The following DNAJC1 variants were observed in gnomAD, a reference collection of about 807,000 sequenced individuals.
The protein encoded by DNAJC1 is DnaJ heat shock protein family (Hsp40) member C1.
A neutral mutation model predicts 76.6 loss-of-function variants in DNAJC1; 58 were observed. That is an observed-to-expected ratio of 0.76 (90% CI 0.61 to 0.94). The LOEUF (loss-of-function observed/expected upper bound fraction) is 0.94, where lower values mean the gene tolerates loss of function less well. Among genes scored for constraint, DNAJC1 ranks in the 40% least tolerant of loss-of-function variants. The pLI, the probability that DNAJC1 is intolerant of heterozygous loss-of-function variation, is 0.00. For missense variants in DNAJC1, 689 were observed against 677.3 expected (o/e 1.02, Z -0.19); for synonymous variants, 258 against 267.9 (o/e 0.96, Z 0.36).
intron 1 of DNAJC1, 73 bp downstream of exon 1, chr10:22,003,140 T>A (rs1412088844): frequency 2.9e-6 from 4 of 1,390,584 alleles, no homozygotes; most frequent in Non-Finnish European, 3.7e-6. Flanking sequence ...TGTCCGGCTG[T>A]CTCTGAGGAA....
intron 8 of DNAJC1, among the ~76,000 whole-genome samples, chr10:21,808,474 C>T (rs941538306): frequency 4.6e-5 from 7 of 152,030 alleles, no homozygotes; most frequent in African/African-American, 1.7e-4. Flanking sequence ...TATTTTATGG[C>T]CATAATTTTT....
intron 8 of DNAJC1, among the ~76,000 whole-genome samples, chr10:21,851,021 C>T (rs894014231): frequency 1.3e-5 from 2 of 152,060 alleles, no homozygotes; most frequent in African/African-American, 4.8e-5. Context: ...CAAAATGAAT[C>T]AACAACCTAA....
At chr10:22,003,107 G>C in intron 1 of DNAJC1, 106 bp downstream of exon 1, 6 of 1,340,106 alleles carry the variant, frequency 4.5e-6, no homozygotes, top group Non-Finnish European at 5.8e-6. Flanking sequence ...CCAGAGCCCG[G>C]GGTGACCAAG....
At chr10:21,855,301 A>C (rs879518111) in intron 8 of DNAJC1, among the ~76,000 whole-genome samples, 4 of 151,904 alleles carry the variant, frequency 2.6e-5, no homozygotes, top group African/African-American at 9.7e-5. Context: ...CCATATAATA[A>C]TTCATTCATT....
rs1196180059 is a variant in DNAJC1, at chr10:22,003,685, C to T, written c.-251G>A. The T allele has an allele frequency of 7.7e-6, 3 of 389,358 alleles. No individual in the cohort carries two copies. Among genetic ancestry groups the T allele is most frequent in the African/African-American group, 4.2e-5 (2 of 47,410 alleles). 24.1% of individuals were successfully genotyped at this position (389,358 alleles called of 1,614,324 possible). On this transcript the variant is annotated 5_prime_UTR_variant, in exon 1 of 12. Coordinates refer to ENST00000376980, the MANE Select transcript of DNAJC1 (RefSeq NM_022365.4). ...GTTCCGAAGACCCTCGCCCCCAGGC[C>T]TACACACAGCTGTAGAGGCAGCGCC... is the stretch of plus-strand genomic sequence containing the variant.
At chr10:21,824,240 AG>A (rs1835207634) in intron 8 of DNAJC1, among the ~76,000 whole-genome samples, 3 of 152,240 alleles carry the variant, frequency 2.0e-5, no homozygotes, top group Admixed American at 6.5e-5. Flanking sequence ...CAATAACAGT[AG>A]CAGTATTAAG....
At chr10:21,970,466 C>T (rs1837959693) in intron 1 of DNAJC1, among the ~76,000 whole-genome samples, 1 of 151,884 alleles carries the variant, frequency 6.6e-6, no homozygotes, top group African/African-American at 2.4e-5. Context: ...GCAGGAAATT[C>T]TCAGTTACAA....
intron 9 of DNAJC1, among the ~76,000 whole-genome samples, chr10:21,796,400 CG>C (rs2131637122): frequency 6.6e-6 from 1 of 152,196 alleles, no homozygotes; most frequent in South Asian, 2.1e-4. Flanking sequence ...GTGCAATGAA[CG>C]GGGAAGTGCA....
intron 9 of DNAJC1, among the ~76,000 whole-genome samples, chr10:21,784,204 G>GA (rs1834572489): frequency 6.6e-6 from 1 of 152,066 alleles, no homozygotes; most frequent in Non-Finnish European, 1.5e-5. Context: ...AAATTTACAA[G>GA]AAAAAATCAA....
intron 8 of DNAJC1, among the ~76,000 whole-genome samples, chr10:21,866,904 A>G (rs1335332026): frequency 6.6e-6 from 1 of 152,154 alleles, no homozygotes; most frequent in Non-Finnish European, 1.5e-5. Context: ...TAAGAAACAG[A>G]CTCATAAAGA....
chr10:21,866,201 C>T (rs1484328452), intron 8 of DNAJC1, among the ~76,000 whole-genome samples: 4 of 138,282 alleles, frequency 2.9e-5, no homozygotes, highest in Non-Finnish European at 1.6e-5. Context: ...AAAACCCAAA[C>T]AGTAATATGA....
At chr10:21,998,105 T>C (rs1006009864) in intron 1 of DNAJC1, among the ~76,000 whole-genome samples, 1 of 151,726 alleles carries the variant, frequency 6.6e-6, no homozygotes. Flanking sequence ...AAAAGAAATA[T>C]AGAGGCTGGG....
chr10:21,895,490 C>A (rs1836526493), intron 7 of DNAJC1, among the ~76,000 whole-genome samples: 1 of 152,116 alleles, frequency 6.6e-6, no homozygotes, highest in South Asian at 2.1e-4. Context: ...GTAAATTGTT[C>A]AGGGTGCTTC....
intron 7 of DNAJC1, among the ~76,000 whole-genome samples, chr10:21,892,094 G>A (rs1379932697): frequency 6.6e-6 from 1 of 151,960 alleles, no homozygotes; most frequent in Non-Finnish European, 1.5e-5. Context: ...GACACCAGTA[G>A]ACTGTGATGT....
chr10:21,834,451 T>G (rs1468664455), intron 8 of DNAJC1, among the ~76,000 whole-genome samples: 1 of 152,116 alleles, frequency 6.6e-6, no homozygotes, highest in African/African-American at 2.4e-5. Flanking sequence ...TTCATCTCAC[T>G]GGGGAGTACC....
At chr10:21,882,063 C>A (rs754217954) in intron 8 of DNAJC1, among the ~76,000 whole-genome samples, 2 of 151,898 alleles carry the variant, frequency 1.3e-5, no homozygotes, top group Admixed American at 6.6e-5. Context: ...CTAAGGCAGG[C>A]GAATGGCATG....
intron 9 of DNAJC1, among the ~76,000 whole-genome samples, chr10:21,800,399 G>T (rs1263473764): frequency 1.3e-5 from 2 of 152,146 alleles, no homozygotes; most frequent in Non-Finnish European, 2.9e-5. Flanking sequence ...TCATATTCTT[G>T]AACTAAGCAG....
rs1353605749 is a variant in DNAJC1 at position 22,003,395 on chromosome 10, G to C, written c.40C>G (p.Arg14Gly). Residue 14 changes from arginine to glycine, a missense_variant, in exon 1 of 12, where the codon CGC (arginine) becomes GGC (glycine). Physicochemically the swap from Arg to Gly is moderately radical, Grantham distance 125. Transcript: ENST00000376980. The part of the protein sequence containing the change: ...PCSQPAQLPG[R>G]RQLGLVPFPP... ...AACGGCACCAGCCCGAGCTGGCGGC[G>C]TCCAGGAAGCTGCGCCGGCTGGGAG... 1 of 1,378,136 alleles carries C rather than the reference G, an allele frequency of 7.3e-7. No individual in the cohort carries two copies. Among genetic ancestry groups the C allele is most frequent in the Non-Finnish European group, 9.4e-7 (1 of 1,068,054 alleles). 85.4% of individuals were successfully genotyped at this position (1,378,136 alleles called of 1,614,324 possible).
At chr10:21,908,195 TTA>T (rs1304428430) in intron 6 of DNAJC1, among the ~76,000 whole-genome samples, 4 of 99,332 alleles carry the variant, frequency 4.0e-5, no homozygotes, top group African/African-American at 4.2e-5. Flanking sequence ...AAAATATATA[TTA>T]TATATATAAA....
Sources: gnomAD v4.1 joint callset for allele counts (sites outside exome capture counted in the v4.1 genomes callset) on GRCh38, gnomAD v4.1.1 for gene constraint, MANE v1.5 for transcripts, NCBI Gene and HGNC (gene_info 2026-07-23, HGNC 2026-07-21) for gene names.